Variants in DOCK9 observed in about 807,000 individuals in gnomAD.
The protein encoded by DOCK9 is dedicator of cytokinesis 9, also known as dedicator of cytokinesis protein 9.
In DOCK9, 89 loss-of-function variants were observed where a neutral mutation model predicts 263.3. The ratio of observed to expected loss-of-function variants is 0.34; its 90% CI spans 0.28 to 0.40. The LOEUF is 0.40. Among genes scored for constraint, DOCK9 ranks in the 10% least tolerant of loss-of-function variants. The pLI is 1.00. For missense variants in DOCK9, 2,140 were observed against 2,603.4 expected, an observed-to-expected ratio of 0.82 and a Z score of 3.87; for synonymous variants, 976 against 973.1, an observed-to-expected ratio of 1.00 and a Z score of -0.06.
At chr13:99,084,424 C>G (rs533115432) in intron 1 of DOCK9, among the ~76,000 whole-genome samples, 1 of 152,156 alleles carries the variant, frequency 6.6e-6, no homozygotes, top group African/African-American at 2.4e-5. Context: ...CACAGACAGA[C>G]GAGACTAAGA....
chr13:98,954,139 G>A lies in DOCK9; in HGVS notation c.243+1296C>T, dbSNP rs149489200. ...GTTCTGTGGGATGGGATTAGAAGGC[G>A]TGGGGAGGCTTTTCATGTCAATTAT... On this transcript the variant is annotated intron_variant, in intron 2 of 52. Transcript: ENST00000682017. Among the ~76,000 whole-genome samples, 36 of 152,238 alleles carry A rather than the reference G, an allele frequency of 2.4e-4. No homozygotes were observed. The East Asian group carries it at 6.8e-3, about 29-fold the overall frequency.
At chr13:98,845,865 C>T (rs2093373796) in intron 38 of DOCK9, 59 bp downstream of exon 38, 4 of 1,591,120 alleles carry the variant, frequency 2.5e-6, no homozygotes, top group Middle Eastern at 1.9e-4. Context: ...CTAGGGCTCT[C>T]CCCTCTGAGA....
At chr13:98,887,222 A>G (rs1051867423) in intron 18 of DOCK9, among the ~76,000 whole-genome samples, 8 of 148,318 alleles carry the variant, frequency 5.4e-5, no homozygotes, top group Non-Finnish European at 1.0e-4. Flanking sequence ...TCACAGTAAA[A>G]CAATTTGGGT....
At chr13:98,851,772 T>C (rs1052595193) in intron 35 of DOCK9, among the ~76,000 whole-genome samples, 6 of 152,152 alleles carry the variant, frequency 3.9e-5, no homozygotes, top group East Asian at 1.9e-4. Context: ...CAAAAGCCAA[T>C]TGTAGGTAGA....
chr13:98,816,011 C>T (rs1013975718), intron 45 of DOCK9, among the ~76,000 whole-genome samples: 3 of 152,172 alleles, frequency 2.0e-5, no homozygotes, highest in African/African-American at 7.2e-5. Context: ...AAAGTTACAA[C>T]TATGTGTCCT....
intron 45 of DOCK9, chr13:98,820,736 G>A (rs1383288390): frequency 2.5e-6 from 1 of 392,894 alleles, no homozygotes; most frequent in East Asian, 8.4e-5. Flanking sequence ...TTCTTCTCCA[G>A]ATATTGAGAT....
chr13:98,945,507 C>A lies in DOCK9; in HGVS notation c.243+9928G>T, dbSNP rs1427013889. ...TCTGGGCCCTCTAGTGTCTTCTTTTCCCAGTCCAGGGTCCACCTCCAAAGA... is the reference window on the plus strand; with the variant it reads ...TCTGGGCCCTCTAGTGTCTTCTTTTACCAGTCCAGGGTCCACCTCCAAAGA... On this transcript the variant is annotated intron_variant, in intron 2 of 52. Transcript: ENST00000682017. Among the ~76,000 whole-genome samples, 5 of 152,212 alleles carry A rather than the reference C, an allele frequency of 3.3e-5. No individual in the cohort carries two copies. In the South Asian group the frequency reaches 8.3e-4, roughly 25 times the overall value.
intron 1 of DOCK9, among the ~76,000 whole-genome samples, chr13:98,974,426 T>C (rs2060018168): frequency 1.3e-5 from 2 of 152,118 alleles, no homozygotes; most frequent in South Asian, 4.1e-4. Flanking sequence ...TCTGAAACTT[T>C]ATAATGTCCA....
chr13:98,950,829 G>A (rs571791386), intron 2 of DOCK9, among the ~76,000 whole-genome samples: 3 of 152,272 alleles, frequency 2.0e-5, no homozygotes, highest in East Asian at 3.9e-4. Context: ...TGAAGATGCC[G>A]TCGGTTAATC....
chr13:99,012,042 C>T lies in DOCK9; in HGVS notation c.130-56491G>A, dbSNP rs561509720. ...TTCACCATGTTGCTCAGGCTGGTCT[C>T]GAACTCCTGGCTGTCCACCCGCCTT... On this transcript the variant is annotated intron_variant, in intron 1 of 32. Coordinates refer to the DOCK9 transcript ENST00000427887. 2.1e-3 allele frequency among the ~76,000 whole-genome samples: 317 copies of T among 152,208 alleles called. 1 individual carries two copies. The highest frequency in any genetic ancestry group is 4.0e-3 in the Non-Finnish European group (271 of 67,994).
intron 15 of DOCK9, among the ~76,000 whole-genome samples, chr13:98,890,968 A>T (rs577208762): frequency 5.3e-5 from 8 of 152,208 alleles, no homozygotes; most frequent in Non-Finnish European, 8.8e-5. Context: ...CAAGTCAATG[A>T]TTTTTCACAT....
intron 27 of DOCK9, among the ~76,000 whole-genome samples, chr13:98,873,404 A>G (rs1566801464): frequency 6.6e-6 from 1 of 152,220 alleles, no homozygotes; most frequent in East Asian, 1.9e-4. Flanking sequence ...TTGTGAAACA[A>G]TGGCTGGTGA....
chr13:98,885,539 A>C (rs2045562738), intron 20 of DOCK9, 169 bp downstream of exon 20: 2 of 733,264 alleles, frequency 2.7e-6, no homozygotes, highest in African/African-American at 3.7e-5. Flanking sequence ...CAAAAATTAA[A>C]AAAAAAAAAA....
chr13:98,824,455 G>C lies in DOCK9; in HGVS notation c.5073C>G (p.Ile1691Met). Reference sequence around the variant, plus strand: ...CTTCCATCATGGAGGCCTCCTCGTCGATGTTTGGGGTAATGACCCTGAAGG... The same window carrying C: ...CTTCCATCATGGAGGCCTCCTCGTCCATGTTTGGGGTAATGACCCTGAAGG... ...CTAFRVITPN[I>M]DEEASMMEDV... The change falls in exon 45 of 53, where the codon ATC (isoleucine) becomes ATG (methionine). Residue 1691 changes from isoleucine to methionine, a missense_variant. Ile to Met is a conservative substitution (Grantham distance 10). Around this residue, in one of 2 missense-constraint regions of DOCK9, gnomAD observed 619 missense variants for 861.8 expected, o/e 0.72. Coordinates refer to ENST00000682017, the MANE Select transcript of DOCK9 (RefSeq NM_001366683.2). The C allele has an allele frequency of 6.2e-7, 1 of 1,613,888 alleles. No homozygotes were observed. The highest frequency in any genetic ancestry group is 8.5e-7 in the Non-Finnish European group (1 of 1,179,826).
rs149910399 is a variant in DOCK9, at chr13:98,886,812, T to A, written c.2044-188A>T. 2.0e-5 allele frequency among the ~76,000 whole-genome samples: 3 copies of A among 152,184 alleles called. No individual in the cohort carries two copies. The East Asian group carries it at 5.8e-4, about 29-fold the overall frequency. On this transcript the variant is annotated intron_variant, in intron 18 of 52. Coordinates refer to ENST00000682017, the MANE Select transcript of DOCK9 (RefSeq NM_001366683.2). ...CTTCCAGCTTGCCTTGAAGCCCATC[T>A]GCCTGCTCCCCTTCCTGCCCTTCCA... is the stretch of plus-strand genomic sequence containing the variant.
chr13:99,020,655 C>T (rs146189981), intron 1 of DOCK9, among the ~76,000 whole-genome samples: 134 of 152,234 alleles, frequency 8.8e-4, no homozygotes, highest in Admixed American at 1.6e-3. Flanking sequence ...GATTGGTAGA[C>T]GTATTTACTA....
chr13:98,842,528 C>T (rs993419668), intron 38 of DOCK9, among the ~76,000 whole-genome samples: 1 of 152,148 alleles, frequency 6.6e-6, no homozygotes, highest in African/African-American at 2.4e-5. Context: ...TGATGTATTC[C>T]TAGAACAACA....
chr13:99,033,232 A>G (rs1031530187), intron 1 of DOCK9, among the ~76,000 whole-genome samples: 2 of 152,236 alleles, frequency 1.3e-5, no homozygotes, highest in African/African-American at 4.8e-5. Context: ...TAGAGAAGGC[A>G]AAAAACAAAT....
intron 1 of DOCK9, among the ~76,000 whole-genome samples, chr13:99,051,798 T>C: frequency 7.5e-6 from 1 of 132,616 alleles, no homozygotes; most frequent in East Asian, 2.4e-4. Flanking sequence ...CTATCAAAAT[T>C]CAACCAATAA....
Sources: gnomAD v4.1 joint callset for allele counts (sites outside exome capture counted in the v4.1 genomes callset) on GRCh38, gnomAD v4.1.1 for gene constraint, gnomAD v4.1.1 regional missense constraint, MANE v1.5 for transcripts, NCBI Gene and HGNC (gene_info 2026-07-23, HGNC 2026-07-21) for gene names.